Variants in TOM1 observed in about 807,000 individuals in gnomAD.
The protein encoded by TOM1 is target of Myb protein 1.
In TOM1, 38 loss-of-function variants were observed where a neutral mutation model predicts 61.3. That is an observed-to-expected ratio of 0.62 (90% confidence interval 0.48 to 0.81). TOM1 has a LOEUF of 0.81. TOM1 is among the 40% of genes least tolerant of loss of function. The pLI is 0.00. For missense variants in TOM1, 591 were observed against 659.6 expected, an observed-to-expected ratio of 0.90 and a Z score of 1.14; for synonymous variants, 270 against 268.8, an observed-to-expected ratio of 1.00 and a Z score of -0.04.
chr22:35,316,841 C>G (rs565492137), intron 1 of TOM1, among the ~76,000 whole-genome samples: 1 of 152,102 alleles, frequency 6.6e-6, no homozygotes, highest in African/African-American at 2.4e-5. Context: ...GGGCCCGTAC[C>G]GTGCTGATAC....
chr22:35,321,599 A>G, intron 2 of TOM1: 2 of 399,056 alleles, frequency 5.0e-6, no homozygotes, highest in Non-Finnish European at 1.0e-5. Context: ...GGGTTTCACC[A>G]TGTTGGCCAG....
chr22:35,316,026 G>A (rs1006589683), intron 1 of TOM1, among the ~76,000 whole-genome samples: 11 of 152,264 alleles, frequency 7.2e-5, no homozygotes, highest in Non-Finnish European at 8.8e-5. Flanking sequence ...GTGACATCAC[G>A]TGGAATAACA....
At position 35,334,616 on chromosome 22, in the gene TOM1, T is replaced by A. The variant is rs76054329; in HGVS notation, c.1148+168T>A. ...CCAGCATGGCCTGGGAGCCCTGTGG[T>A]CAGTTGACAGACTGCGCTCCCCACA... On this transcript the variant is annotated intron_variant, in intron 11 of 14. Coordinates refer to ENST00000449058, the MANE Select transcript of TOM1 (RefSeq NM_005488.3). 2.9e-3 allele frequency among the ~76,000 whole-genome samples: 444 copies of A among 152,168 alleles called. 3 individuals carry two copies. The highest frequency in any genetic ancestry group is 9.6e-3 in the African/African-American group (400 of 41,522).
chr22:35,333,454 C>T lies in TOM1; in HGVS notation c.984C>T (p.Asp328=), dbSNP rs1341490436. 1 of 1,613,994 alleles carries T rather than the reference C, an allele frequency of 6.2e-7. No homozygotes were observed. Among genetic ancestry groups the T allele is most frequent in the East Asian group, 2.2e-5 (1 of 44,894 alleles). The change falls in exon 10 of 15, where the codon GAC becomes GAT. Residue 328 remains aspartate, a synonymous_variant. Coordinates refer to ENST00000449058, the MANE Select transcript of TOM1 (RefSeq NM_005488.3). The part of the protein sequence containing the change: ...PAADLIDMGP[D]PAATGNLSSQ... ...CTGACCTGATCGACATGGGCCCTGA[C>T]CCAGCAGCCACCGGCAACCTCTCAT... is the stretch of plus-strand genomic sequence containing the variant.
rs749288558 is a variant in TOM1, at chr22:35,323,514, C to T, written c.385C>T (p.Arg129Cys). The T allele has an allele frequency of 9.3e-6, 15 of 1,614,048 alleles. No individual in the cohort carries two copies. Among genetic ancestry groups the T allele is most frequent in the African/African-American group, 2.7e-5 (2 of 74,928 alleles). ...NLIQSWADAF[R>C]SSPDLTGVVT... ...CTCTCAGTCCTGGGCTGACGCGTTC[C>T]GCAGCTCGCCCGATCTGACAGGTGT... Residue 129 changes from arginine (R) to cysteine (C), a missense_variant, in exon 5 of 15, where the codon CGC (arginine) becomes TGC (cysteine). Coordinates refer to ENST00000449058, the MANE Select transcript of TOM1 (RefSeq NM_005488.3). The surrounding 1 kb of genome is among the most constrained non-coding windows in gnomAD (Gnocchi z 4.2).
chr22:35,304,098 C>T (rs1926097180), intron 1 of TOM1, among the ~76,000 whole-genome samples: 2 of 152,162 alleles, frequency 1.3e-5, no homozygotes. Context: ...CCCATTTCAC[C>T]AAAAGTCAGT....
chr22:35,299,867 C>T (rs1925550404), upstream of TOM1: 3 of 1,542,194 alleles, frequency 1.9e-6, no homozygotes, highest in East Asian at 2.4e-5. Flanking sequence ...CGTGACGGGT[C>T]GGTGGCGCTG....
chr22:35,329,419 G>A (rs1928626136), intron 7 of TOM1, among the ~76,000 whole-genome samples: 1 of 152,208 alleles, frequency 6.6e-6, no homozygotes, highest in South Asian at 2.1e-4. Flanking sequence ...TATTTTACCA[G>A]TTTTAATGTT....
In TOM1 at chr22:35,338,713, G is replaced by A. The variant is rs778249286; in HGVS notation, c.1149G>A (p.Glu383=). 2 of 1,577,010 alleles carry A rather than the reference G, an allele frequency of 1.3e-6. No individual in the cohort carries two copies. Among genetic ancestry groups the A allele is most frequent in the Non-Finnish European group, 1.7e-6 (2 of 1,162,220 alleles). ...AATGGCTTGGTGGTCTCTCTTTCAG[G>A]GTAAAATACGAAGCCCCCCAAGCAA... The part of the protein sequence containing the change: ...RGSSLADQRK[E]VKYEAPQATD... The change falls in exon 12 of 15, where the codon GAG becomes GAA. Residue 383 remains glutamate, a splice_region_variant and synonymous_variant. Coordinates refer to ENST00000449058, the MANE Select transcript of TOM1 (RefSeq NM_005488.3).
chr22:35,321,806 A>G (rs753840370), intron 2 of TOM1, 153 bp from the exon 3 acceptor site: 1 of 765,594 alleles, frequency 1.3e-6, no homozygotes, highest in Non-Finnish European at 2.4e-6. Flanking sequence ...TGGGCTAGGA[A>G]GATTCTGATG....
chr22:35,320,477 C>T (rs1032128267), intron 2 of TOM1, among the ~76,000 whole-genome samples: 6 of 152,080 alleles, frequency 3.9e-5, no homozygotes, highest in Middle Eastern at 3.2e-3. Context: ...CAGCCCTCCC[C>T]GACCTCCCCC....
At chr22:35,345,419 T>C (rs1601721814) in intron 12 of TOM1, 2 of 474,078 alleles carry the variant, frequency 4.2e-6, no homozygotes, top group Non-Finnish European at 7.8e-6. Context: ...AAGCCCCTCC[T>C]CCAGCCTAGA....
intron 10 of TOM1, 100 bp downstream of exon 10, chr22:35,333,597 TGTCA>T: frequency 9.3e-7 from 1 of 1,077,072 alleles, no homozygotes; most frequent in Non-Finnish European, 1.4e-6. Context: ...CACAGCAGAG[TGTCA>T]GTCTGGACCC....
chr22:35,311,231 C>G, intron 1 of TOM1: 1 of 152,286 alleles, frequency 6.6e-6, no homozygotes, highest in South Asian at 2.1e-4. Flanking sequence ...TTGTCCACCG[C>G]GGAGCAGTCC....
chr22:35,309,118 T>G (rs1004640451), intron 1 of TOM1, among the ~76,000 whole-genome samples: 2 of 152,214 alleles, frequency 1.3e-5, no homozygotes, highest in Admixed American at 1.3e-4. Context: ...GTGGTTGATA[T>G]GTTTGTAGAG....
Position 35,323,966 on chromosome 22 carries a change from C to T in TOM1, c.648+52C>T, listed in dbSNP as rs560888779. Reference sequence around the variant, plus strand: ...CAGGTCCAGGCAGGTGGGCCACACACGTCAGGGAGGGCCCCCTGTCAGAAT... The same window carrying T: ...CAGGTCCAGGCAGGTGGGCCACACATGTCAGGGAGGGCCCCCTGTCAGAAT... On this transcript the variant is annotated intron_variant, in intron 6 of 14. Coordinates refer to ENST00000449058, the MANE Select transcript of TOM1 (RefSeq NM_005488.3). This position sits in a 1 kb window ranked among gnomAD's most constrained non-coding sequence, Gnocchi z 4.2. 3.3e-5 allele frequency: 49 copies of T among 1,504,622 alleles called. No individual in the cohort carries two copies. Among genetic ancestry groups the T allele is most frequent in the Admixed American group, 3.2e-4 (14 of 43,374 alleles). 93.2% of individuals were successfully genotyped at this position (1,504,622 alleles called of 1,614,324 possible).
chr22:35,339,687 G>A (rs973490494), intron 12 of TOM1, among the ~76,000 whole-genome samples: 5 of 151,746 alleles, frequency 3.3e-5, no homozygotes, highest in South Asian at 2.1e-4. Context: ...GGCGGATCAC[G>A]AGGTCAGGAG....
chr22:35,306,748 A>AC (rs138763), intron 1 of TOM1, among the ~76,000 whole-genome samples: 77,291 of 152,022 alleles, frequency 0.51, 22,710 homozygotes, highest in Non-Finnish European at 0.65. Context: ...CATTCCTGGG[A>AC]CCCAGTCTAA....
rs1927986402 is a variant in TOM1, at chr22:35,323,246, A to C, written c.366+69A>C. The C allele has an allele frequency of 6.3e-7, 1 of 1,575,244 alleles. No homozygotes were observed. The highest frequency in any genetic ancestry group is 8.6e-7 in the Non-Finnish European group (1 of 1,162,674). On this transcript the variant is annotated intron_variant, in intron 4 of 14. Coordinates refer to ENST00000449058, the MANE Select transcript of TOM1 (RefSeq NM_005488.3). The surrounding 1 kb of genome is among the most constrained non-coding windows in gnomAD (Gnocchi z 4.2). ...AGTGCAGGAGCTTCCTGCCCAGTGG[A>C]GAGTCGAGGCCATCGTGTTTGTCCC... is the stretch of plus-strand genomic sequence containing the variant.
Sources: allele counts gnomAD v4.1 joint callset (sites outside exome capture counted in the v4.1 genomes callset), GRCh38; gene constraint gnomAD v4.1.1; non-coding constraint Gnocchi (gnomAD v3.1); transcripts MANE v1.5; gene names NCBI Gene and HGNC (gene_info 2026-07-23, HGNC 2026-07-21).